Variants in ABCD3 observed in about 807,000 individuals in gnomAD.
ABCD3 encodes the protein ATP-binding cassette sub-family D member 3.
Under a neutral mutation model 105.5 loss-of-function variants are expected in ABCD3, and 41 were observed. That is an observed-to-expected ratio of 0.39 (90% CI 0.30 to 0.50). The LOEUF is 0.50. Ranked by LOEUF, ABCD3 falls within the 20% of genes least tolerant of loss-of-function variation. The pLI, the probability that ABCD3 is intolerant of heterozygous loss-of-function variation, is 0.84. For missense variants in ABCD3, 622 were observed against 806.3 expected (o/e 0.77, Z 2.77); for synonymous variants, 258 against 269.0 (o/e 0.96, Z 0.40).
chr1:94,508,024 T>G (rs1471896267), intron 21 of ABCD3, among the ~76,000 whole-genome samples: 1 of 149,154 alleles, frequency 6.7e-6, no homozygotes, highest in Non-Finnish European at 1.5e-5. Context: ...TTTTGGCTTT[T>G]GTTGCCATTG....
intron 1 of ABCD3, among the ~76,000 whole-genome samples, chr1:94,435,445 T>A (rs984744544): frequency 2.6e-5 from 4 of 152,044 alleles, no homozygotes; most frequent in African/African-American, 9.7e-5. Flanking sequence ...GGTGGGAGGA[T>A]CACTTCAGCC....
At chr1:94,482,304 T>A (rs1368215182) in intron 9 of ABCD3, 1 of 152,214 alleles carries the variant, frequency 6.6e-6, no homozygotes. Flanking sequence ...CGCAGGTCCA[T>A]TTCAAAATAG....
At chr1:94,422,582 A>G (rs1342754237) in intron 1 of ABCD3, among the ~76,000 whole-genome samples, 1 of 152,190 alleles carries the variant, frequency 6.6e-6, no homozygotes, top group African/African-American at 2.4e-5. Context: ...CCTACATCAG[A>G]TCCTGAGTTT....
intron 21 of ABCD3, among the ~76,000 whole-genome samples, chr1:94,511,744 A>T (rs940486914): frequency 2.6e-5 from 4 of 151,766 alleles, no homozygotes; most frequent in Admixed American, 6.6e-5. Flanking sequence ...CATTCACTTC[A>T]TCTTCCATCA....
chr1:94,446,425 A>G (rs114561783), intron 1 of ABCD3, among the ~76,000 whole-genome samples: 3,752 of 152,328 alleles, frequency 0.025, 64 homozygotes, highest in Middle Eastern at 0.041. Flanking sequence ...AAAGGAGTAC[A>G]AATACATACA....
At chr1:94,491,032 G>A (rs931948353) in intron 15 of ABCD3, 152 bp from the exon 16 acceptor site, 12 of 590,870 alleles carry the variant, frequency 2.0e-5, no homozygotes, top group Admixed American at 1.9e-4. Flanking sequence ...GCACCTTTTC[G>A]TATGCCTGTT....
chr1:94,400,178 C>T, the ABCD3 span, among the ~76,000 whole-genome samples: 104 of 152,202 alleles, frequency 6.8e-4, no homozygotes, highest in African/African-American at 2.4e-3. Context: ...GAGGACAAGG[C>T]GGGCAGATCA....
At position 94,487,585 on chromosome 1, in the gene ABCD3, G is replaced by A; in HGVS notation, c.941G>A (p.Gly314Asp). 1 of 1,613,618 alleles carries A rather than the reference G, an allele frequency of 6.2e-7. No homozygotes were observed. The highest frequency in any genetic ancestry group is 8.5e-7 in the Non-Finnish European group (1 of 1,179,692). ...TTCATTTTGTTTCGGTTTTCAATGG[G>A]CTTCATTGATAGTATTATTGCCAAA... Reference protein sequence around the residue: ...HNFILFRFSMGFIDSIIAKYL... With the variant: ...HNFILFRFSMDFIDSIIAKYL... The change falls in exon 11 of 23, where the codon GGC becomes GAC. Residue 314 changes from glycine (G) to aspartate (D), a missense_variant. Gly to Asp is a moderately conservative substitution (Grantham distance 94, BLOSUM62 -1). Transcript: ENST00000370214.
intron 20 of ABCD3, among the ~76,000 whole-genome samples, chr1:94,502,827 A>G (rs565346319): frequency 2.2e-4 from 34 of 152,164 alleles, no homozygotes; most frequent in African/African-American, 5.8e-4. Context: ...CTTTTGTGCA[A>G]TTCAGTAGCT....
At chr1:94,455,936 A>C (rs1045905556) in intron 1 of ABCD3, 4 of 810,728 alleles carry the variant, frequency 4.9e-6, no homozygotes, top group Non-Finnish European at 6.5e-6. Flanking sequence ...TTGAATACTA[A>C]TTTTTTTATT....
At chr1:94,441,316 C>G (rs1660126115) in intron 1 of ABCD3, among the ~76,000 whole-genome samples, 1 of 152,132 alleles carries the variant, frequency 6.6e-6, no homozygotes, top group African/African-American at 2.4e-5. Context: ...GATACTGTTT[C>G]ACATACTACT....
rs1649119960 is a variant in ABCD3 at position 94,483,372 on chromosome 1, A to G, written c.897+133A>G. On this transcript the variant is annotated intron_variant, in intron 10 of 22. Transcript: ENST00000370214. ...GTATACATATCTTAAAGATTTTTTG[A>G]AAAATAGCTATAAAGGATTTTATAC... 5.9e-6 allele frequency: 4 copies of G among 680,808 alleles called. No individual in the cohort carries two copies. The Admixed American group carries it at 8.0e-5, about 14-fold the overall frequency. The allele number at this position is 680,808 out of a possible 1,614,324, so 42.2% of individuals were successfully genotyped here. A position where few individuals can be genotyped will look rare whatever the true frequency, so the allele number is the denominator to read the frequency against.
the ABCD3 span, among the ~76,000 whole-genome samples, chr1:94,406,004 CT>C: frequency 3.3e-5 from 5 of 150,292 alleles, no homozygotes; most frequent in Admixed American, 6.6e-5. Context: ...TTTCTGATAT[CT>C]AGATTACAGA....
At chr1:94,508,188 C>A (rs1277552609) in intron 21 of ABCD3, among the ~76,000 whole-genome samples, 1 of 152,108 alleles carries the variant, frequency 6.6e-6, no homozygotes, top group Non-Finnish European at 1.5e-5. Context: ...AGGAAGGGAT[C>A]CAGTTTTAGC....
intron 1 of ABCD3, chr1:94,455,886 T>A (rs1233067758): frequency 8.4e-7 from 1 of 1,197,222 alleles, no homozygotes; most frequent in Non-Finnish European, 1.1e-6. Context: ...TAAGTATCAA[T>A]TTATAACATT....
chr1:94,493,739 T>C (rs1052549127), intron 16 of ABCD3, among the ~76,000 whole-genome samples: 18 of 152,264 alleles, frequency 1.2e-4, no homozygotes, highest in Middle Eastern at 3.4e-3. Context: ...GTGGCACATA[T>C]ACACCATGGA....
chr1:94,499,897 A>G (rs1650009607), intron 20 of ABCD3, among the ~76,000 whole-genome samples: 2 of 152,192 alleles, frequency 1.3e-5, no homozygotes, highest in Admixed American at 1.3e-4. Context: ...TCTGTAGCTC[A>G]TTATTCCTGG....
At chr1:94,453,198 G>A (rs560493100) in intron 1 of ABCD3, among the ~76,000 whole-genome samples, 13 of 152,230 alleles carry the variant, frequency 8.5e-5, no homozygotes, top group East Asian at 3.9e-4. Context: ...CCGGTAAATC[G>A]TTTGGTTTGG....
At chr1:94,479,923 G>A (rs764122011) in intron 8 of ABCD3, among the ~76,000 whole-genome samples, 1 of 151,994 alleles carries the variant, frequency 6.6e-6, no homozygotes, top group East Asian at 1.9e-4. Context: ...AGATGTACAC[G>A]CAGGGAAAGA....
Sources: gnomAD v4.1 joint callset for allele counts (sites outside exome capture counted in the v4.1 genomes callset) on GRCh38, gnomAD v4.1.1 for gene constraint, MANE v1.5 for transcripts, NCBI Gene and HGNC (gene_info 2026-07-23, HGNC 2026-07-21) for gene names.